Variants in BST1 observed in about 807,000 individuals in gnomAD.
The protein encoded by BST1 is ADP-ribosyl cyclase/cyclic ADP-ribose hydrolase 2.
A neutral mutation model predicts 40.6 loss-of-function variants in BST1; 49 were observed. The observed-to-expected ratio is 1.21, with a 90% confidence interval of 0.96 to 1.53. The LOEUF is 1.53. BST1 is among the 40% of genes most tolerant of loss of function. The pLI, the probability that BST1 is intolerant of heterozygous loss-of-function variation, is 0.00. For missense variants in BST1, 423 were observed against 395.9 expected, an observed-to-expected ratio of 1.07 and a Z score of -0.58; for synonymous variants, 157 against 159.3, an observed-to-expected ratio of 0.99 and a Z score of 0.11.
chr4:15,736,288 T>C (rs1368683368), downstream of BST1: 1 of 240,290 alleles, frequency 4.2e-6, no homozygotes, highest in Non-Finnish European at 6.7e-6. Context: ...AGCAATGGTT[T>C]CCTACCCTTG....
At chr4:15,736,123 T>C, downstream of BST1, 1 of 1,288,648 alleles carries the variant, frequency 7.8e-7, no homozygotes, top group Non-Finnish European at 1.0e-6. Context: ...GTTCTAGCCT[T>C]TGTACAAGGT....
At position 15,710,342 on chromosome 4, in the gene BST1, A is replaced by G. The variant is rs150528578; in HGVS notation, c.452-1465A>G. ...AAAATTGTATATATTTATGGCATAC[A>G]ATGTGATGTTTTATACATATATACA... is the stretch of plus-strand genomic sequence containing the variant. On this transcript the variant is annotated intron_variant, in intron 3 of 8. Coordinates refer to ENST00000265016, the MANE Select transcript of BST1 (RefSeq NM_004334.3). 8.6e-3 allele frequency among the ~76,000 whole-genome samples: 1,304 copies of G among 152,270 alleles called. 16 individuals are homozygous for G. The highest frequency in any genetic ancestry group is 0.03 in the African/African-American group (1,227 of 41,548).
Position 15,731,782 on chromosome 4 carries a change from A to G in BST1, c.894A>G (p.Thr298=). The G allele has an allele frequency of 6.2e-7, 1 of 1,613,790 alleles. No homozygotes were observed. The highest frequency in any genetic ancestry group is 2.2e-5 in the East Asian group (1 of 44,882). ...AAAGAAAAGCCCCAAGTCTTTATAC[A>G]GAACAAAGGGCGGGTCTTATCATTC... ...ATQRKAPSLY[T]EQRAGLIIPL... is the part of the protein sequence containing the mutation. Residue 298 remains threonine (T), a synonymous_variant, in exon 9 of 9, where the codon ACA becomes ACG. Coordinates refer to ENST00000265016, the MANE Select transcript of BST1 (RefSeq NM_004334.3).
downstream of BST1, among the ~76,000 whole-genome samples, chr4:15,738,824 A>C (rs932376534): frequency 3.3e-5 from 5 of 152,202 alleles, no homozygotes; most frequent in Admixed American, 6.5e-5. Context: ...TCCTGCTGTG[A>C]AAATTGAGGT....
rs183662273 is a variant in BST1, at chr4:15,727,027, A to T, written c.851+4093A>T. ...TCCTCAGTATTTCTGAGCACTTTGC[A>T]GTGTCAGGCTTCCAGCTGGCACTCT... On this transcript the variant is annotated intron_variant, in intron 8 of 8. Coordinates refer to ENST00000265016, the MANE Select transcript of BST1 (RefSeq NM_004334.3). Among the ~76,000 whole-genome samples the T allele has an allele frequency of 5.9e-5, 9 of 152,176 alleles. No individual in the cohort carries two copies. In the East Asian group the frequency reaches 1.7e-3, roughly 29 times the overall value.
chr4:15,739,820 T>C (rs890721734), downstream of BST1, among the ~76,000 whole-genome samples: 1 of 152,088 alleles, frequency 6.6e-6, no homozygotes, highest in African/African-American at 2.4e-5. Context: ...GAAGTCATTG[T>C]TCACCATTGC....
the BST1 span, among the ~76,000 whole-genome samples, chr4:15,767,740 A>T: frequency 8.6e-5 from 13 of 152,022 alleles, no homozygotes; most frequent in African/African-American, 2.4e-4. Flanking sequence ...ATGTCTCTGA[A>T]GCTGGATTGA....
At chr4:15,729,416 C>T (rs919174374) in intron 8 of BST1, among the ~76,000 whole-genome samples, 2 of 152,132 alleles carry the variant, frequency 1.3e-5, no homozygotes, top group African/African-American at 4.8e-5. Context: ...GTAGTCATGC[C>T]ACTGCACTCC....
the BST1 span, among the ~76,000 whole-genome samples, chr4:15,769,050 C>T: frequency 3.3e-5 from 5 of 151,560 alleles, no homozygotes; most frequent in South Asian, 2.1e-4. Context: ...TGACACTCAA[C>T]GATGTTAGCA....
At chr4:15,769,287 C>T in the BST1 span, among the ~76,000 whole-genome samples, 6 of 152,204 alleles carry the variant, frequency 3.9e-5, no homozygotes, top group Non-Finnish European at 5.9e-5. Flanking sequence ...ATTCTGCAGG[C>T]GTTGCTTGAG....
intron 7 of BST1, among the ~76,000 whole-genome samples, chr4:15,719,521 A>AAT (rs1409205090): frequency 1.4e-3 from 219 of 152,166 alleles, no homozygotes; most frequent in African/African-American, 4.9e-3. Flanking sequence ...TTTTTTAAAA[A>AAT]ACTTGGCTCA....
the BST1 span, among the ~76,000 whole-genome samples, chr4:15,768,480 CTTTTTTTTTT>C: frequency 2.2e-5 from 2 of 91,088 alleles, no homozygotes; most frequent in Admixed American, 1.3e-4. Context: ...TGGACAGTAT[CTTTTTTTTTT>C]TTTTTTTTTT....
intron 1 of BST1, among the ~76,000 whole-genome samples, chr4:15,704,229 GGA>G (rs1278782473): frequency 1.4e-5 from 2 of 145,776 alleles, no homozygotes; most frequent in Non-Finnish European, 3.0e-5. Flanking sequence ...CTAGAGCTGA[GGA>G]GAGTGTGTGT....
chr4:15,703,171 G>C lies in BST1; in HGVS notation c.27G>C (p.Ser9=). 2 of 1,567,858 alleles carry C rather than the reference G, an allele frequency of 1.3e-6. No homozygotes were observed. Among genetic ancestry groups the C allele is most frequent in the Non-Finnish European group, 1.7e-6 (2 of 1,158,272 alleles). The change falls in exon 1 of 9, where the codon TCG becomes TCC. Residue 9 remains serine (S), a synonymous_variant. Transcript: ENST00000265016. The part of the protein sequence containing the change: MAAQGCAA[S]RLLQLLLQLL... ...TGGCGGCCCAGGGGTGCGCGGCATC[G>C]CGGCTGCTCCAGCTGCTGCTGCAGC...
chr4:15,742,434 T>C (rs1396326369), downstream of BST1, among the ~76,000 whole-genome samples: 1 of 152,212 alleles, frequency 6.6e-6, no homozygotes, highest in Non-Finnish European at 1.5e-5. Context: ...CCCCTTCCAC[T>C]TCCACCATGA....
At chr4:15,722,807 C>T in intron 7 of BST1, 68 bp from the exon 8 acceptor site, 6 of 1,388,544 alleles carry the variant, frequency 4.3e-6, no homozygotes, top group Non-Finnish European at 6.1e-6. Context: ...ACTTTTCAGG[C>T]AAGCCATAAA....
the BST1 span, among the ~76,000 whole-genome samples, chr4:15,749,400 CGTT>C: frequency 2.6e-5 from 4 of 152,232 alleles, no homozygotes; most frequent in East Asian, 5.8e-4. Flanking sequence ...TTGTTGTTGT[CGTT>C]GTTGTTATTT....
chr4:15,764,686 C>T, the BST1 span, among the ~76,000 whole-genome samples: 6 of 152,054 alleles, frequency 3.9e-5, no homozygotes, highest in South Asian at 1.2e-3. Context: ...TGATTTTCCT[C>T]TGGAGAGCTA....
At chr4:15,754,413 A>C in the BST1 span, among the ~76,000 whole-genome samples, 4 of 152,186 alleles carry the variant, frequency 2.6e-5, no homozygotes, top group African/African-American at 9.7e-5. Context: ...AAGCATGCAC[A>C]TGTCTAAGAT....
Sources: gnomAD v4.1 joint callset for allele counts (sites outside exome capture counted in the v4.1 genomes callset) on GRCh38, gnomAD v4.1.1 for gene constraint, MANE v1.5 for transcripts, NCBI Gene and HGNC (gene_info 2026-07-23, HGNC 2026-07-21) for gene names.